The following NCOA2 variants were observed in gnomAD, a reference collection of about 807,000 sequenced individuals.
NCOA2 encodes the protein nuclear receptor coactivator 2.
Under a neutral mutation model 145.1 loss-of-function variants are expected in NCOA2, and 21 were observed. The observed-to-expected ratio is 0.14, with a 90% CI of 0.10 to 0.21. NCOA2 has a LOEUF of 0.21. Ranked by LOEUF, NCOA2 falls within the 10% of genes least tolerant of loss-of-function variation. The probability of loss-of-function intolerance (pLI) is 1.00; values close to 1 mark genes in which losing one functional copy is unlikely to be tolerated. For missense variants in NCOA2, 1,472 were observed against 1,837.6 expected, an observed-to-expected ratio of 0.80 and a Z score of 3.64; for synonymous variants, 619 against 637.5, an observed-to-expected ratio of 0.97 and a Z score of 0.44.
intron 1 of NCOA2, among the ~76,000 whole-genome samples, chr8:70,331,048 A>G (rs1451590895): frequency 6.6e-6 from 1 of 152,196 alleles, no homozygotes; most frequent in Non-Finnish European, 1.5e-5. Context: ...CAGTTCTAAC[A>G]TGGAGGAGGA....
Position 70,403,716 on chromosome 8 carries a change from C to A in NCOA2, c.-93G>T, listed in dbSNP as rs1232785421. ...CGCGGTTACCGGCTCGGGTCGGTCACGCCGTCAGGTGCCGGCTGCCGTCGG... is the reference window on the plus strand; with the variant it reads ...CGCGGTTACCGGCTCGGGTCGGTCAAGCCGTCAGGTGCCGGCTGCCGTCGG... On this transcript the variant is annotated 5_prime_UTR_variant, in exon 1 of 23. Coordinates refer to ENST00000452400, the MANE Select transcript of NCOA2 (RefSeq NM_006540.4). 2 of 396,130 alleles carry A rather than the reference C, an allele frequency of 5.0e-6. No individual in the cohort carries two copies. The highest frequency in any genetic ancestry group is 4.4e-5 in the Admixed American group (1 of 22,608). The allele number at this position is 396,130 out of a possible 1,614,324, so 24.5% of individuals were successfully genotyped here.
intron 18 of NCOA2, among the ~76,000 whole-genome samples, chr8:70,128,031 G>A (rs566301313): frequency 7.2e-5 from 11 of 152,288 alleles, no homozygotes; most frequent in Admixed American, 1.3e-4. Context: ...CTAGATAAGC[G>A]CCATTCAGGC....
At chr8:70,436,977 G>T in the NCOA2 span, among the ~76,000 whole-genome samples, 4 of 152,202 alleles carry the variant, frequency 2.6e-5, no homozygotes, top group African/African-American at 9.7e-5. Flanking sequence ...AAAATATCTT[G>T]GGATATGATG....
intron 1 of NCOA2, among the ~76,000 whole-genome samples, chr8:70,334,293 G>A (rs887008411): frequency 5.9e-5 from 9 of 152,118 alleles, no homozygotes; most frequent in African/African-American, 2.2e-4. Context: ...TCCTAACACA[G>A]CATCTGTTGG....
chr8:70,198,959 GGGGA>G (rs1360015782), intron 4 of NCOA2, among the ~76,000 whole-genome samples: 1 of 152,156 alleles, frequency 6.6e-6, no homozygotes, highest in African/African-American at 2.4e-5. Context: ...CGGGGGCTGT[GGGGA>G]GGGACTCACC....
intron 4 of NCOA2, among the ~76,000 whole-genome samples, chr8:70,180,592 C>T (rs1563578012): frequency 2.0e-5 from 3 of 152,076 alleles, no homozygotes; most frequent in Non-Finnish European, 4.4e-5. Flanking sequence ...AGAATCTGAT[C>T]CTAGAAATAT....
chr8:70,372,705 T>C (rs979011621), intron 1 of NCOA2, among the ~76,000 whole-genome samples: 1 of 152,218 alleles, frequency 6.6e-6, no homozygotes, highest in Non-Finnish European at 1.5e-5. Context: ...AGGTAACAAA[T>C]GCATACTATT....
chr8:70,340,645 A>G (rs1287624282), intron 1 of NCOA2, among the ~76,000 whole-genome samples: 7 of 152,200 alleles, frequency 4.6e-5, no homozygotes, highest in Non-Finnish European at 1.0e-4. Context: ...ACATGTATGC[A>G]TATGTTCACT....
intron 1 of NCOA2, among the ~76,000 whole-genome samples, chr8:70,347,779 T>C (rs990854133): frequency 2.0e-5 from 3 of 152,192 alleles, no homozygotes; most frequent in Non-Finnish European, 2.9e-5. Context: ...AGAAACCTTA[T>C]TATACTGTAA....
chr8:70,180,090 T>C (rs559133489), intron 4 of NCOA2, among the ~76,000 whole-genome samples: 4 of 152,210 alleles, frequency 2.6e-5, no homozygotes, highest in South Asian at 4.1e-4. Context: ...CCCCACAGTT[T>C]TTCTTTTTAG....
intron 12 of NCOA2, among the ~76,000 whole-genome samples, chr8:70,146,683 G>GAGCTAAT (rs1811101472): frequency 6.6e-6 from 1 of 151,942 alleles, no homozygotes; most frequent in Non-Finnish European, 1.5e-5. Flanking sequence ...TAATGAGCAT[G>GAGCTAAT]GACTGTCTAG....
the NCOA2 span, among the ~76,000 whole-genome samples, chr8:70,416,219 C>A: frequency 2.8e-5 from 4 of 144,726 alleles, no homozygotes; most frequent in Admixed American, 6.9e-5. Flanking sequence ...TCTCTTAATG[C>A]GCTCAGCTGA....
At chr8:70,306,432 A>G (rs150987314) in intron 1 of NCOA2, among the ~76,000 whole-genome samples, 35 of 152,350 alleles carry the variant, frequency 2.3e-4, no homozygotes, top group African/African-American at 7.2e-4. Context: ...CTTCTAACTT[A>G]GTTGTGAAGC....
upstream of NCOA2, among the ~76,000 whole-genome samples, chr8:70,404,570 C>G (rs533119288): frequency 5.9e-5 from 9 of 152,358 alleles, no homozygotes; most frequent in African/African-American, 2.2e-4. Flanking sequence ...CATTGCAGTC[C>G]TAGCTCCAGA....
intron 1 of NCOA2, among the ~76,000 whole-genome samples, chr8:70,316,430 T>C (rs78004589): frequency 5.9e-5 from 9 of 152,338 alleles, no homozygotes; most frequent in African/African-American, 1.2e-4. Flanking sequence ...TCAATCCCGA[T>C]AGAACTCTCT....
intron 1 of NCOA2, among the ~76,000 whole-genome samples, chr8:70,365,588 TC>T (rs796941252): frequency 2.0e-5 from 3 of 152,328 alleles, no homozygotes; most frequent in African/African-American, 7.2e-5. Flanking sequence ...GAGAAAATAC[TC>T]CCATCTTATA....
intron 2 of NCOA2, among the ~76,000 whole-genome samples, chr8:70,278,811 TA>T (rs1279158326): frequency 6.6e-6 from 1 of 151,562 alleles, no homozygotes; most frequent in Non-Finnish European, 1.5e-5. Flanking sequence ...ACCAAAAATA[TA>T]AAAAATAGCT....
At chr8:70,424,532 T>A in the NCOA2 span, 2 of 530,052 alleles carry the variant, frequency 3.8e-6, no homozygotes, top group Non-Finnish European at 7.6e-6. Flanking sequence ...TGGTGTTGAG[T>A]ACTCGCAAAA....
At chr8:70,272,279 C>T (rs1393171003) in intron 2 of NCOA2, among the ~76,000 whole-genome samples, 1 of 152,188 alleles carries the variant, frequency 6.6e-6, no homozygotes, top group Non-Finnish European at 1.5e-5. Context: ...TGCATTGATT[C>T]ATCCTAGAAG....
Sources: allele counts gnomAD v4.1 joint callset (sites outside exome capture counted in the v4.1 genomes callset), GRCh38; gene constraint gnomAD v4.1.1; transcripts MANE v1.5; gene names NCBI Gene and HGNC (gene_info 2026-07-23, HGNC 2026-07-21).